The following FBLN2 variants were observed in gnomAD, a reference collection of about 807,000 sequenced individuals.
FBLN2 encodes fibulin 2.
A neutral mutation model predicts 123.7 loss-of-function variants in FBLN2; 81 were observed. That is an observed-to-expected ratio of 0.65 (90% CI 0.55 to 0.79). FBLN2 has a LOEUF of 0.79. Ranked by LOEUF, FBLN2 falls within the 30% of genes least tolerant of loss-of-function variation. The pLI, the probability that FBLN2 is intolerant of heterozygous loss-of-function variation, is 0.00. For missense variants in FBLN2, 1,603 were observed against 1,681.3 expected (o/e 0.95, Z 0.81); for synonymous variants, 699 against 701.4 (o/e 1.00, Z 0.05).
At chr3:13,587,048 G>A (rs1425531022) in intron 2 of FBLN2, among the ~76,000 whole-genome samples, 3 of 151,136 alleles carry the variant, frequency 2.0e-5, no homozygotes, top group Non-Finnish European at 4.4e-5. Flanking sequence ...AGGAGGCTGA[G>A]GTAGGAGAAT....
At chr3:13,582,495 T>C (rs1174426333) in intron 2 of FBLN2, among the ~76,000 whole-genome samples, 1 of 152,182 alleles carries the variant, frequency 6.6e-6, no homozygotes, top group African/African-American at 2.4e-5. Context: ...ATCAGAATTG[T>C]GTGGGCTGGG....
At chr3:13,553,237 G>A (rs932168229) in intron 1 of FBLN2, among the ~76,000 whole-genome samples, 1 of 152,230 alleles carries the variant, frequency 6.6e-6, no homozygotes, top group African/African-American at 2.4e-5. Flanking sequence ...GGCAGCCTCA[G>A]GGCGTTCCGA....
Position 13,618,069 on chromosome 3 carries a change from G to A in FBLN2, c.1730-7G>A. 2 of 1,612,644 alleles carry A rather than the reference G, an allele frequency of 1.2e-6. No homozygotes were observed. The highest frequency in any genetic ancestry group is 1.3e-5 in the African/African-American group (1 of 75,042). On this transcript the variant is annotated splice_polypyrimidine_tract_variant and splice_region_variant and intron_variant, in intron 5 of 17. Coordinates refer to ENST00000404922, the MANE Select transcript of FBLN2 (RefSeq NM_001004019.2). ...GGCTCTGTCTTGAGCTCTAACCCCT[G>A]TCCTAGTTTCAGAGGCAGAGATGGC... is the stretch of plus-strand genomic sequence containing the variant.
rs78594040 is a variant in FBLN2, at chr3:13,634,816, C to T, written c.3215-1629C>T. Among the ~76,000 whole-genome samples the T allele has an allele frequency of 0.012, 1,894 of 152,338 alleles. 134 individuals are homozygous for T. The East Asian group carries it at 0.2, about 16-fold the overall frequency. ...GCGGTCCGGGGGTATTGAGTCCTGG[C>T]GTTGCCCTGGCAGCTATGTGACCCT... On this transcript the variant is annotated intron_variant, in intron 16 of 17. Transcript: ENST00000404922.
At chr3:13,555,263 C>G (rs1703432589) in intron 1 of FBLN2, among the ~76,000 whole-genome samples, 1 of 151,502 alleles carries the variant, frequency 6.6e-6, no homozygotes, top group South Asian at 2.1e-4. Context: ...CTTATACTTA[C>G]TTTTAAAGGA....
chr3:13,614,672 ACC>A (rs1705528098), intron 5 of FBLN2, among the ~76,000 whole-genome samples: 3 of 143,698 alleles, frequency 2.1e-5, no homozygotes, highest in Non-Finnish European at 3.1e-5. Flanking sequence ...CCATCCATCC[ACC>A]TACCCACCCA....
intron 1 of FBLN2, among the ~76,000 whole-genome samples, chr3:13,554,224 G>T (rs1353018613): frequency 6.6e-6 from 1 of 152,232 alleles, no homozygotes; most frequent in East Asian, 1.9e-4. Flanking sequence ...GTGTGGCTGA[G>T]TGCAGCCACC....
chr3:13,607,382 C>G (rs907357199), intron 2 of FBLN2, among the ~76,000 whole-genome samples: 1 of 152,074 alleles, frequency 6.6e-6, no homozygotes, highest in Non-Finnish European at 1.5e-5. Context: ...TGGAAGTGGA[C>G]CATCATAAAG....
At chr3:13,562,637 C>T (rs113528822) in intron 1 of FBLN2, among the ~76,000 whole-genome samples, 4 of 152,144 alleles carry the variant, frequency 2.6e-5, no homozygotes, top group African/African-American at 7.2e-5. Flanking sequence ...TTGCAGGCCG[C>T]GCCCGGCTGC....
Position 13,570,509 on chromosome 3 carries a change from G to T in FBLN2, c.154G>T (p.Gly52Cys). ...CTGCATTGAGGAGGCGCTGGAGCCGGGTGCCTGCTGTGCCACGTGTGTGCA... is the reference window on the plus strand; with the variant it reads ...CTGCATTGAGGAGGCGCTGGAGCCGTGTGCCTGCTGTGCCACGTGTGTGCA... ...ENCIEEALEP[G>C]ACCATCVQQG... Residue 52 changes from glycine to cysteine, a missense_variant, in exon 2 of 18, where the codon GGT becomes TGT. Coordinates refer to ENST00000404922, the MANE Select transcript of FBLN2 (RefSeq NM_001004019.2). 1 of 1,586,094 alleles carries T rather than the reference G, an allele frequency of 6.3e-7. No individual in the cohort carries two copies. Among genetic ancestry groups the T allele is most frequent in the Non-Finnish European group, 8.6e-7 (1 of 1,167,218 alleles).
At chr3:13,617,076 G>T (rs919947381) in intron 5 of FBLN2, among the ~76,000 whole-genome samples, 1 of 152,148 alleles carries the variant, frequency 6.6e-6, no homozygotes, top group African/African-American at 2.4e-5. Context: ...TGAAGACTTG[G>T]ACCTGGCTCT....
At chr3:13,587,750 C>T (rs1222415116) in intron 2 of FBLN2, among the ~76,000 whole-genome samples, 2 of 152,262 alleles carry the variant, frequency 1.3e-5, no homozygotes, top group African/African-American at 2.4e-5. Context: ...ACACCATGCA[C>T]AACCTCTTAT....
At chr3:13,636,990 T>A (rs941151673) in intron 17 of FBLN2, among the ~76,000 whole-genome samples, 2 of 152,190 alleles carry the variant, frequency 1.3e-5, no homozygotes, top group Non-Finnish European at 2.9e-5. Context: ...CCACTGCTCA[T>A]GGGGCTCTGG....
intron 2 of FBLN2, among the ~76,000 whole-genome samples, chr3:13,594,858 A>G (rs1344927072): frequency 6.6e-6 from 1 of 152,168 alleles, no homozygotes; most frequent in East Asian, 1.9e-4. Flanking sequence ...GGAAGGGGCC[A>G]GAGGGGTGGC....
chr3:13,563,436 C>T (rs532615529), intron 1 of FBLN2, among the ~76,000 whole-genome samples: 23 of 152,350 alleles, frequency 1.5e-4, no homozygotes, highest in African/African-American at 5.5e-4. Flanking sequence ...CAGTGACTGA[C>T]ATGCCTCTGA....
rs1705524058 is a variant in FBLN2 at position 13,614,635 on chromosome 3, T to TCC, written c.1729+471_1729+472insCC. 5.3e-5 allele frequency among the ~76,000 whole-genome samples: 7 copies of TCC among 131,914 alleles called. No individual in the cohort carries two copies. In the East Asian group the frequency reaches 1.3e-3, roughly 24 times the overall value. The allele number at this position is 131,914 out of a possible 152,430, so 86.5% of individuals were successfully genotyped here. ...CCATCCACCCACCTACCCACCCAATTATCCATCCATCCATCCATCCATCCA... is the reference window on the plus strand; with the variant it reads ...CCATCCACCCACCTACCCACCCAATTCCATCCATCCATCCATCCATCCATCCA... On this transcript the variant is annotated intron_variant, in intron 5 of 17. Coordinates refer to ENST00000404922, the MANE Select transcript of FBLN2 (RefSeq NM_001004019.2).
At chr3:13,554,401 C>G (rs1211508418) in intron 1 of FBLN2, among the ~76,000 whole-genome samples, 1 of 152,222 alleles carries the variant, frequency 6.6e-6, no homozygotes, top group Non-Finnish European at 1.5e-5. Context: ...CAGCCCCAAC[C>G]TTGGTCCCAA....
intron 2 of FBLN2, among the ~76,000 whole-genome samples, chr3:13,581,280 T>C (rs576290145): frequency 6.6e-6 from 1 of 152,012 alleles, no homozygotes; most frequent in East Asian, 1.9e-4. Flanking sequence ...ATGGGGAACA[T>C]GAAAGTCCGG....
At chr3:13,582,783 G>A (rs1175680221) in intron 2 of FBLN2, among the ~76,000 whole-genome samples, 2 of 152,378 alleles carry the variant, frequency 1.3e-5, no homozygotes, top group African/African-American at 2.4e-5. Flanking sequence ...TCCGGGCCAC[G>A]GGCTGCTTGC....
Sources: allele counts gnomAD v4.1 joint callset (sites outside exome capture counted in the v4.1 genomes callset), GRCh38; gene constraint gnomAD v4.1.1; transcripts MANE v1.5; gene names NCBI Gene and HGNC (gene_info 2026-07-23, HGNC 2026-07-21).